The following TRAK1 variants were observed in gnomAD, a reference collection of about 807,000 sequenced individuals.
The protein encoded by TRAK1 is trafficking kinesin-binding protein 1.
TRAK1 carries 33 observed loss-of-function variants against 92.1 expected under a neutral mutation model. The observed-to-expected ratio is 0.36, with a 90% CI of 0.27 to 0.48. The LOEUF (loss-of-function observed/expected upper bound fraction) is 0.48, where lower values mean the gene tolerates loss of function less well. Ranked by LOEUF, TRAK1 falls within the 20% of genes least tolerant of loss-of-function variation. TRAK1 has a pLI of 0.99. For missense variants in TRAK1, 1,123 were observed against 1,257.9 expected (o/e 0.89, Z 1.62); for synonymous variants, 521 against 517.3 (o/e 1.01, Z -0.10).
intron 2 of TRAK1, among the ~76,000 whole-genome samples, chr3:42,151,866 A>C (rs1181567148): frequency 6.6e-6 from 1 of 152,174 alleles, no homozygotes; most frequent in Non-Finnish European, 1.5e-5. Flanking sequence ...TTGGCATTTG[A>C]ATCGTCAATG....
intron 1 of TRAK1, among the ~76,000 whole-genome samples, chr3:42,092,741 A>ATGTTG (rs1705284732): frequency 6.8e-6 from 1 of 147,094 alleles, no homozygotes; most frequent in Non-Finnish European, 1.5e-5. Context: ...ATGTTATGTT[A>ATGTTG]TGTTATGTTA....
intron 1 of TRAK1, among the ~76,000 whole-genome samples, chr3:42,052,404 A>G (rs1703018802): frequency 6.6e-6 from 1 of 152,192 alleles, no homozygotes; most frequent in African/African-American, 2.4e-5. Flanking sequence ...ATGATCTTGT[A>G]GACTGGTGCA....
intron 4 of TRAK1, among the ~76,000 whole-genome samples, chr3:42,187,241 T>C (rs73828588): frequency 0.06 from 9,139 of 152,224 alleles, 290 homozygotes; most frequent in Middle Eastern, 0.085. Flanking sequence ...AGAATGGGGC[T>C]GTGTGGTCAT....
intron 4 of TRAK1, among the ~76,000 whole-genome samples, chr3:42,185,882 C>T (rs1704746875): frequency 6.6e-6 from 1 of 151,124 alleles, no homozygotes; most frequent in Non-Finnish European, 1.5e-5. Context: ...CCACGTTGGC[C>T]AGGTTGGTCT....
intron 1 of TRAK1, among the ~76,000 whole-genome samples, chr3:42,072,635 C>T (rs1460014294): frequency 2.7e-5 from 4 of 147,476 alleles, no homozygotes; most frequent in Non-Finnish European, 6.0e-5. Context: ...TTTGGGATTT[C>T]TTTTCTCTCA....
intron 1 of TRAK1, among the ~76,000 whole-genome samples, chr3:42,075,119 T>G (rs901133287): frequency 2.0e-5 from 3 of 152,042 alleles, no homozygotes; most frequent in African/African-American, 7.2e-5. Context: ...GCCATCTAGG[T>G]TGATTCCATG....
At chr3:42,060,942 T>A (rs1024007278) in intron 1 of TRAK1, among the ~76,000 whole-genome samples, 8 of 151,988 alleles carry the variant, frequency 5.3e-5, no homozygotes, top group African/African-American at 1.9e-4. Flanking sequence ...TTTTTGTTGT[T>A]GTTGTTTGTT....
rs181965306 is a variant in TRAK1 at position 42,142,355 on chromosome 3, G to A, written c.286+16741G>A. 2.2e-4 allele frequency among the ~76,000 whole-genome samples: 34 copies of A among 152,290 alleles called. No homozygotes were observed. The South Asian group carries it at 5.6e-3, about 25-fold the overall frequency. On this transcript the variant is annotated intron_variant, in intron 2 of 15. Transcript: ENST00000327628. ...CTGGAACATGTTTGAAAACATGTAC[G>A]AGTTTTGTTAGTGTCTTACTGTTAT... is the stretch of plus-strand genomic sequence containing the variant.
chr3:42,220,717 C>A, intron 15 of TRAK1: 1 of 611,952 alleles, frequency 1.6e-6, no homozygotes, highest in Non-Finnish European at 2.0e-6. Context: ...GCCTGGCTAA[C>A]TCGGCCTTGA....
chr3:42,176,730 C>A, intron 2 of TRAK1, 84 bp from the exon 3 acceptor site: 4 of 1,291,990 alleles, frequency 3.1e-6, no homozygotes, highest in Non-Finnish European at 4.5e-6. Flanking sequence ...GCAGGCACAA[C>A]ATTAGGGGCA....
intron 1 of TRAK1, among the ~76,000 whole-genome samples, chr3:42,043,799 G>A (rs1702652255): frequency 1.3e-5 from 2 of 149,162 alleles, no homozygotes. Flanking sequence ...CTCCCCAGAG[G>A]GGGCACAGGT....
chr3:42,176,304 AG>A (rs1333810621), intron 2 of TRAK1, among the ~76,000 whole-genome samples: 4 of 152,202 alleles, frequency 2.6e-5, no homozygotes, highest in African/African-American at 9.6e-5. Flanking sequence ...CTTGAGGAGG[AG>A]GGGGCTATGC....
intron 2 of TRAK1, among the ~76,000 whole-genome samples, chr3:42,168,339 A>G (rs1001621244): frequency 7.2e-5 from 11 of 152,218 alleles, no homozygotes; most frequent in Non-Finnish European, 1.6e-4. Flanking sequence ...TTACATTGTC[A>G]TGTAACAGGG....
intron 2 of TRAK1, among the ~76,000 whole-genome samples, chr3:42,133,554 G>T (rs1697497098): frequency 6.6e-6 from 1 of 152,118 alleles, no homozygotes; most frequent in Admixed American, 6.6e-5. Flanking sequence ...ACAGAAGTGT[G>T]CTGTCCATGA....
intron 2 of TRAK1, among the ~76,000 whole-genome samples, chr3:42,160,808 G>C (rs1701192947): frequency 6.6e-6 from 1 of 152,064 alleles, no homozygotes; most frequent in Non-Finnish European, 1.5e-5. Flanking sequence ...GTATTCCTTT[G>C]TGTCTGGCTT....
chr3:42,082,581 C>A, upstream of TRAK1, among the ~76,000 whole-genome samples: 1 of 151,582 alleles, frequency 6.6e-6, no homozygotes. Context: ...GGAGACAGAG[C>A]ACAAAACCTG....
At chr3:42,152,897 T>C (rs1700110587) in intron 2 of TRAK1, among the ~76,000 whole-genome samples, 1 of 152,136 alleles carries the variant, frequency 6.6e-6, no homozygotes, top group East Asian at 1.9e-4. Context: ...TGTGGCCATG[T>C]GGTATGGGAA....
At chr3:42,060,872 C>A (rs1351512793) in intron 1 of TRAK1, among the ~76,000 whole-genome samples, 3 of 152,124 alleles carry the variant, frequency 2.0e-5, no homozygotes, top group African/African-American at 7.2e-5. Flanking sequence ...CTCAGTTGAT[C>A]TGCTCACCTT....
chr3:42,060,943 G>GTTGT, intron 1 of TRAK1, among the ~76,000 whole-genome samples: 1 of 151,930 alleles, frequency 6.6e-6, no homozygotes, highest in East Asian at 1.9e-4. Flanking sequence ...TTTTGTTGTT[G>GTTGT]TTGTTTGTTT....
Sources: gnomAD v4.1 joint callset for allele counts (sites outside exome capture counted in the v4.1 genomes callset) on GRCh38, gnomAD v4.1.1 for gene constraint, MANE v1.5 for transcripts, NCBI Gene and HGNC (gene_info 2026-07-23, HGNC 2026-07-21) for gene names.